Variants in CSMD3 observed in about 807,000 individuals in gnomAD.
The protein encoded by CSMD3 is CUB and sushi domain-containing protein 3.
Under a neutral mutation model 435.2 loss-of-function variants are expected in CSMD3, and 177 were observed. The ratio of observed to expected loss-of-function variants is 0.41; its 90% CI spans 0.36 to 0.46. The LOEUF (loss-of-function observed/expected upper bound fraction) is 0.46. Among genes scored for constraint, CSMD3 ranks in the 20% least tolerant of loss-of-function variants. The pLI, the probability that CSMD3 is intolerant of heterozygous loss-of-function variation, is 0.34. For synonymous variants in CSMD3, 1,656 were observed against 1,520.5 expected, an observed-to-expected ratio of 1.09 and a Z score of -2.07; for missense variants, 4,265 against 4,504.6, an observed-to-expected ratio of 0.95 and a Z score of 1.52.
In CSMD3 at chr8:113,436,905, G is replaced by T; in HGVS notation, c.-51C>A. On this transcript the variant is annotated 5_prime_UTR_variant, in exon 1 of 71. Transcript: ENST00000297405. ...CTCCTCAGCCCGGCGCAGTGGAGTTGTTGCTGTTGTTGGTGCGCGGTCACA... is the reference window on the plus strand; with the variant it reads ...CTCCTCAGCCCGGCGCAGTGGAGTTTTTGCTGTTGTTGGTGCGCGGTCACA... The T allele has an allele frequency of 6.2e-7, 1 of 1,604,172 alleles. No individual in the cohort carries two copies. Among genetic ancestry groups the T allele is most frequent in the South Asian group, 1.1e-5 (1 of 90,836 alleles).
chr8:113,186,727 G>A (rs541555231), intron 3 of CSMD3, among the ~76,000 whole-genome samples: 8 of 152,148 alleles, frequency 5.3e-5, no homozygotes, highest in African/African-American at 1.7e-4. Context: ...TATTTCAGGT[G>A]TCAAGATCAT....
intron 6 of CSMD3, among the ~76,000 whole-genome samples, chr8:113,005,254 C>A (rs1056250919): frequency 6.6e-6 from 1 of 151,994 alleles, no homozygotes; most frequent in East Asian, 1.9e-4. Flanking sequence ...CAACCAATAA[C>A]AATGGCTATA....
At chr8:112,586,302 A>C (rs4595152) in intron 23 of CSMD3, among the ~76,000 whole-genome samples, 85,753 of 150,588 alleles carry the variant, frequency 0.57, 24,825 homozygotes, top group African/African-American at 0.67. Flanking sequence ...TAACAATTAG[A>C]AAAAAGCTAC....
intron 12 of CSMD3, among the ~76,000 whole-genome samples, chr8:112,807,494 AGGTAG>A (rs1233243614): frequency 1.7e-5 from 1 of 58,244 alleles, no homozygotes; most frequent in East Asian, 5.0e-4. Flanking sequence ...CTTGATAGGT[AGGTAG>A]GTAGGTAGGT....
chr8:112,530,089 C>T (rs1022052794), intron 27 of CSMD3, among the ~76,000 whole-genome samples: 2 of 151,874 alleles, frequency 1.3e-5, no homozygotes, highest in Admixed American at 6.6e-5. Context: ...CTCAAGGACA[C>T]ATCATTAAAA....
chr8:113,270,813 C>T (rs534420327), intron 3 of CSMD3, among the ~76,000 whole-genome samples: 103 of 131,962 alleles, frequency 7.8e-4, no homozygotes, highest in African/African-American at 2.7e-3. Context: ...CATCACGCAC[C>T]GGGGCCTGTT....
rs139122287 is a variant in CSMD3, at chr8:112,376,037, C to T, written c.6136+4315G>A. Among the ~76,000 whole-genome samples, 9 of 152,210 alleles carry T rather than the reference C, an allele frequency of 5.9e-5. No homozygotes were observed. In the East Asian group the frequency reaches 1.7e-3, roughly 29 times the overall value. On this transcript the variant is annotated intron_variant, in intron 38 of 70. Coordinates refer to ENST00000297405, the MANE Select transcript of CSMD3 (RefSeq NM_198123.2). ...TTTCCTCTGCTGAATCTATCCACCC[C>T]GTCTTGCTTAACTGTAAAACTCCTA...
chr8:112,598,435 C>T (rs1831973545), intron 22 of CSMD3, among the ~76,000 whole-genome samples: 2 of 148,186 alleles, frequency 1.3e-5, no homozygotes, highest in South Asian at 4.3e-4. Flanking sequence ...TGAAAATGGC[C>T]ATACTGCCCA....
intron 3 of CSMD3, among the ~76,000 whole-genome samples, chr8:113,178,159 A>G (rs1231459892): frequency 6.6e-6 from 1 of 151,916 alleles, no homozygotes; most frequent in African/African-American, 2.4e-5. Context: ...GTTGAGTATC[A>G]GCTTTGATAG....
At chr8:112,991,060 T>C (rs2085440278) in intron 6 of CSMD3, among the ~76,000 whole-genome samples, 1 of 151,798 alleles carries the variant, frequency 6.6e-6, no homozygotes, top group Non-Finnish European at 1.5e-5. Flanking sequence ...TAATTATCTG[T>C]CTGTATTCAT....
At chr8:112,243,272 TCTGATAAAGAA>T (rs1814348006) in intron 65 of CSMD3, among the ~76,000 whole-genome samples, 1 of 152,016 alleles carries the variant, frequency 6.6e-6, no homozygotes, top group Admixed American at 6.6e-5. Context: ...AGAGGAATGT[TCTGATAAAGAA>T]AATGAAAACA....
chr8:112,759,660 G>A (rs150716801), intron 13 of CSMD3, among the ~76,000 whole-genome samples: 4 of 152,164 alleles, frequency 2.6e-5, no homozygotes, highest in East Asian at 1.9e-4. Flanking sequence ...TTTGATTAAT[G>A]TATCAAGTAC....
chr8:112,581,297 TC>T (rs1054000515), intron 23 of CSMD3, among the ~76,000 whole-genome samples: 1 of 152,038 alleles, frequency 6.6e-6, no homozygotes, highest in African/African-American at 2.4e-5. Flanking sequence ...TAAAGCCCAT[TC>T]TTAATGACAA....
At position 112,405,834 on chromosome 8, in the gene CSMD3, T is replaced by C. The variant is rs550309315; in HGVS notation, c.5809+690A>G. On this transcript the variant is annotated intron_variant, in intron 35 of 70. Coordinates refer to ENST00000297405, the MANE Select transcript of CSMD3 (RefSeq NM_198123.2). ...ATTCTTAAAAGATCTCTGAATTCTTTACATATTGGCCCAGAAATCTTTGCA... is the reference window on the plus strand; with the variant it reads ...ATTCTTAAAAGATCTCTGAATTCTTCACATATTGGCCCAGAAATCTTTGCA... Among the ~76,000 whole-genome samples the C allele has an allele frequency of 8.5e-4, 129 of 152,212 alleles. 1 individual carries two copies. Among genetic ancestry groups the C allele is most frequent in the African/African-American group, 2.9e-3 (119 of 41,574 alleles).
At chr8:112,889,449 G>C (rs562326491) in intron 10 of CSMD3, among the ~76,000 whole-genome samples, 2 of 151,584 alleles carry the variant, frequency 1.3e-5, no homozygotes, top group Admixed American at 1.3e-4. Context: ...GGAAGTTTGG[G>C]CTTTATCAAA....
chr8:112,561,620 T>A (rs1410413307), intron 24 of CSMD3, among the ~76,000 whole-genome samples: 1 of 151,648 alleles, frequency 6.6e-6, no homozygotes, highest in Non-Finnish European at 1.5e-5. Context: ...TTAATATTAT[T>A]ATTACAAAAC....
At chr8:112,455,484 G>T (rs1186955756) in intron 32 of CSMD3, among the ~76,000 whole-genome samples, 1 of 151,976 alleles carries the variant, frequency 6.6e-6, no homozygotes, top group Non-Finnish European at 1.5e-5. Flanking sequence ...GGCTGACAGG[G>T]TTATTTGTAC....
chr8:112,747,183 C>CTTTTTTTTTTTTTTTTTTTTT (rs71309787), intron 13 of CSMD3, among the ~76,000 whole-genome samples: 2 of 26,952 alleles, frequency 7.4e-5, no homozygotes, highest in African/African-American at 2.6e-4. Context: ...GCACACTTCC[C>CTTTTTTTTTTTTTTTTTTTTT]TTTTTTTTTT....
chr8:112,600,812 G>C (rs1337984892), intron 22 of CSMD3, among the ~76,000 whole-genome samples: 1 of 151,788 alleles, frequency 6.6e-6, no homozygotes, highest in Non-Finnish European at 1.5e-5. Flanking sequence ...TGAGTAGCTG[G>C]GACTACAGGC....
Sources: gnomAD v4.1 joint callset for allele counts (sites outside exome capture counted in the v4.1 genomes callset) on GRCh38, gnomAD v4.1.1 for gene constraint, MANE v1.5 for transcripts, NCBI Gene and HGNC (gene_info 2026-07-23, HGNC 2026-07-21) for gene names.